Variants in SMIM36 observed in about 807,000 individuals in gnomAD.
The protein encoded by SMIM36 is small integral membrane protein 36.
upstream of SMIM36, among the ~76,000 whole-genome samples, chr17:55,516,169 A>G (rs956968556): frequency 6.6e-6 from 1 of 152,022 alleles, no homozygotes; most frequent in Non-Finnish European, 1.5e-5. Context: ...CACAGAAAAA[A>G]ATATAAAAAC....
intron 1 of SMIM36, among the ~76,000 whole-genome samples, chr17:55,495,625 T>C (rs971711088): frequency 1.6e-5 from 2 of 126,540 alleles, no homozygotes; most frequent in Non-Finnish European, 3.0e-5. Flanking sequence ...CCTGTCTCTA[T>C]AAATTTTTTT....
At chr17:55,526,738 G>GA in the SMIM36 span, among the ~76,000 whole-genome samples, 1 of 152,086 alleles carries the variant, frequency 6.6e-6, no homozygotes, top group African/African-American at 2.4e-5. Flanking sequence ...GGCGACAACA[G>GA]AAAAAATAAG....
At chr17:55,460,991 T>C (rs1909140342) in intron 4 of SMIM36, among the ~76,000 whole-genome samples, 1 of 152,190 alleles carries the variant, frequency 6.6e-6, no homozygotes, top group African/African-American at 2.4e-5. Flanking sequence ...GATTTGTACT[T>C]GTGTAGAGAA....
chr17:55,479,552 C>A (rs1463780910), exon 2 of SMIM36: 1 of 152,140 alleles, frequency 6.6e-6, no homozygotes, highest in African/African-American at 2.4e-5. Context: ...CCATTGCGCT[C>A]CAGCCTGGGC....
chr17:55,471,125 TC>T (rs1358407893), intron 3 of SMIM36, among the ~76,000 whole-genome samples: 3 of 152,048 alleles, frequency 2.0e-5, no homozygotes, highest in African/African-American at 7.2e-5. Flanking sequence ...GCATCTCTCC[TC>T]CCAGCCTCTT....
At chr17:55,480,794 T>C (rs1318821862) in intron 1 of SMIM36, among the ~76,000 whole-genome samples, 25 of 152,214 alleles carry the variant, frequency 1.6e-4, no homozygotes, top group Non-Finnish European at 5.9e-5. Flanking sequence ...GGTTGCTCTT[T>C]GCATTGCCTC....
chr17:55,463,023 CA>C (rs907218158), intron 4 of SMIM36, among the ~76,000 whole-genome samples: 1 of 152,138 alleles, frequency 6.6e-6, no homozygotes, highest in African/African-American at 2.4e-5. Flanking sequence ...GCCTCTGAGT[CA>C]GAAGGAAAAG....
At chr17:55,462,601 G>C (rs1260369014) in intron 4 of SMIM36, among the ~76,000 whole-genome samples, 1 of 151,980 alleles carries the variant, frequency 6.6e-6, no homozygotes, top group East Asian at 1.9e-4. Context: ...GTGAGATTAT[G>C]TCTCTAAATA....
At chr17:55,479,147 T>C (rs1347801047) in intron 2 of SMIM36, among the ~76,000 whole-genome samples, 3 of 152,206 alleles carry the variant, frequency 2.0e-5, no homozygotes, top group Non-Finnish European at 2.9e-5. Context: ...TTTTGGTGTA[T>C]GCAAAGTGTC....
At chr17:55,529,098 A>G in the SMIM36 span, among the ~76,000 whole-genome samples, 1 of 152,168 alleles carries the variant, frequency 6.6e-6, no homozygotes, top group African/African-American at 2.4e-5. Context: ...AGCACCAACT[A>G]TTTAAACTTG....
chr17:55,494,507 C>A (rs1415998129), intron 1 of SMIM36, among the ~76,000 whole-genome samples: 3 of 152,088 alleles, frequency 2.0e-5, no homozygotes, highest in Non-Finnish European at 2.9e-5. Context: ...GTGGATTATG[C>A]CCATTACACA....
rs111653047 is a variant in SMIM36 at position 55,501,962 on chromosome 17, C to G, written c.*174+8917G>C. Among the ~76,000 whole-genome samples, 20 of 140,022 alleles carry G rather than the reference C, an allele frequency of 1.4e-4. No homozygotes were observed. The South Asian group carries it at 2.3e-3, about 16-fold the overall frequency. The allele number at this position is 140,022 out of a possible 152,430, so 91.9% of individuals were successfully genotyped here. ...CTTTCCGAGTCAAAGAAAGGGGTGA[C>G]GGACGCACCTGGAAAATCGGGTCAC... On this transcript the variant is annotated intron_variant, in intron 1 of 4. Coordinates refer to ENST00000636752, the Ensembl canonical transcript of SMIM36.
chr17:55,508,787 G>T (rs922230737), intron 1 of SMIM36, among the ~76,000 whole-genome samples: 1 of 151,916 alleles, frequency 6.6e-6, no homozygotes, highest in Non-Finnish European at 1.5e-5. Flanking sequence ...GCTGCGTGTG[G>T]TGGCAGATGC....
At chr17:55,460,725 G>A (rs1274259504) in intron 4 of SMIM36, among the ~76,000 whole-genome samples, 1 of 152,062 alleles carries the variant, frequency 6.6e-6, no homozygotes, top group African/African-American at 2.4e-5. Flanking sequence ...GGGCATGGTG[G>A]TGGGTGCCTG....
At chr17:55,450,853 C>T (rs1306414493) in intron 4 of SMIM36, among the ~76,000 whole-genome samples, 1 of 152,184 alleles carries the variant, frequency 6.6e-6, no homozygotes, top group Non-Finnish European at 1.5e-5. Context: ...CTTTCCATCT[C>T]CTTTGCCAGC....
At chr17:55,473,629 C>T (rs942999903) in intron 3 of SMIM36, among the ~76,000 whole-genome samples, 3 of 152,138 alleles carry the variant, frequency 2.0e-5, no homozygotes, top group Non-Finnish European at 2.9e-5. Context: ...TTTAAAAACA[C>T]GCCTCACCAA....
intron 4 of SMIM36, among the ~76,000 whole-genome samples, chr17:55,459,776 C>G (rs562131613): frequency 6.6e-6 from 1 of 152,094 alleles, no homozygotes; most frequent in Non-Finnish European, 1.5e-5. Flanking sequence ...GCAGGAGGCG[C>G]GCTTGAGCCC....
At chr17:55,486,698 A>G (rs778473670) in intron 1 of SMIM36, among the ~76,000 whole-genome samples, 10 of 152,138 alleles carry the variant, frequency 6.6e-5, no homozygotes, top group Non-Finnish European at 1.3e-4. Flanking sequence ...CTTATATTCT[A>G]TCCAAAGTGA....
At chr17:55,484,464 T>C (rs1332608491) in intron 1 of SMIM36, among the ~76,000 whole-genome samples, 1 of 152,226 alleles carries the variant, frequency 6.6e-6, no homozygotes, top group South Asian at 2.1e-4. Context: ...AACTTTACAA[T>C]GGCTTGATCA....
Sources: allele counts gnomAD v4.1 joint callset (sites outside exome capture counted in the v4.1 genomes callset), GRCh38; gene constraint gnomAD v4.1.1; transcripts MANE v1.5; gene names NCBI Gene and HGNC (gene_info 2026-07-23, HGNC 2026-07-21).